TSC1: variants seen among roughly 807,000 people sequenced by gnomAD.
TSC1 encodes the protein TSC complex subunit 1, also known as hamartin.
Under a neutral mutation model 124.3 loss-of-function variants are expected in TSC1, and 20 were observed. The ratio of observed to expected loss-of-function variants is 0.16; its 90% confidence interval spans 0.11 to 0.23. The LOEUF (loss-of-function observed/expected upper bound fraction) is 0.23. Among genes scored for constraint, TSC1 ranks in the 10% least tolerant of loss-of-function variants. The pLI, the probability that TSC1 is intolerant of heterozygous loss-of-function variation, is 1.00. For missense variants in TSC1, 1,124 were observed against 1,448.5 expected, an observed-to-expected ratio of 0.78 and a Z score of 3.64; for synonymous variants, 493 against 539.1, an observed-to-expected ratio of 0.91 and a Z score of 1.19.
chr9:132,944,967 G>T (rs577674970), upstream of TSC1: 2 of 196,504 alleles, frequency 1.0e-5, no homozygotes, highest in Non-Finnish European at 2.1e-5. Flanking sequence ...CTGGCGGGCG[G>T]GGGGACGCGG....
At position 132,906,141 on chromosome 9, in the gene TSC1, TGAGAGGAA is replaced by T. The variant is rs753878222; in HGVS notation, c.1439-10_1439-3del. The T allele has an allele frequency of 1.2e-6, 2 of 1,611,886 alleles. No homozygotes were observed. Among genetic ancestry groups the T allele is most frequent in the African/African-American group, 2.7e-5 (2 of 74,848 alleles). On this transcript the variant is annotated splice_region_variant and splice_polypyrimidine_tract_variant and intron_variant, in intron 14 of 22. Transcript: ENST00000298552. The surrounding 1 kb of genome is among the most constrained non-coding windows in gnomAD (Gnocchi z 4.1). ...CAGAAAGTTCTCTAGATATTGCAGC[TGAGAGGAA>T]GAGAGGAAACAAAAGAAATGGCAGT...
In TSC1 at chr9:132,903,612, CA is replaced by C; in HGVS notation, c.2208+38del. The stretch of plus-strand genomic sequence containing the variant: ...GCTATCATGCTGACCCAAAACAAAA[CA>C]AAAAGCAAGCTCCACCTGTCCCCTC... On this transcript the variant is annotated intron_variant, in intron 17 of 22. Transcript: ENST00000298552. This position sits in a 1 kb window ranked among gnomAD's most constrained non-coding sequence, Gnocchi z 5.9. 1 of 1,611,694 alleles carries C rather than the reference CA, an allele frequency of 6.2e-7. No homozygotes were observed.
intron 1 of TSC1, among the ~76,000 whole-genome samples, chr9:132,939,960 T>TCTA (rs1847653507): frequency 6.6e-6 from 1 of 152,178 alleles, no homozygotes; most frequent in Admixed American, 6.5e-5. Context: ...GAACCACTGG[T>TCTA]CTAGGAAAAA....
At chr9:132,905,088 C>A (rs1377333335) in intron 15 of TSC1, among the ~76,000 whole-genome samples, 1 of 152,068 alleles carries the variant, frequency 6.6e-6, no homozygotes, top group Non-Finnish European at 1.5e-5. Context: ...AACTTGGGTG[C>A]CTCAGGGGGT....
rs1325064558 is a variant in TSC1 at position 132,906,805 on chromosome 9, G to A, written c.1364C>T (p.Thr455Ile). The A allele has an allele frequency of 6.2e-7, 1 of 1,614,140 alleles. No homozygotes were observed. Among genetic ancestry groups the A allele is most frequent in the Non-Finnish European group, 8.5e-7 (1 of 1,180,030 alleles). ...EEPPGSKGSV[T>I]LSDLPGFLGD... ...TAAAAACCCTGGAAGATCACTTAGAGTGACAGAACCTTTGCTGCCAGGTGG... is the reference window on the plus strand; with the variant it reads ...TAAAAACCCTGGAAGATCACTTAGAATGACAGAACCTTTGCTGCCAGGTGG... Residue 455 changes from threonine (T) to isoleucine (I), a missense_variant, in exon 14 of 23, where the codon ACT becomes ATT. Physicochemically the swap from Thr to Ile is moderately conservative, Grantham distance 89. Around this residue, in one of 5 missense-constraint regions of TSC1, gnomAD observed 463 missense variants for 606.8 expected, o/e 0.76. Coordinates refer to ENST00000298552, the MANE Select transcript of TSC1 (RefSeq NM_000368.5). This position sits in a 1 kb window ranked among gnomAD's most constrained non-coding sequence, Gnocchi z 4.1.
At chr9:132,897,065 G>T in intron 22 of TSC1, 119 bp downstream of exon 22, 1 of 1,503,228 alleles carries the variant, frequency 6.7e-7, no homozygotes. Context: ...GACACGGAGT[G>T]AGCTGAGTGT....
intron 2 of TSC1, among the ~76,000 whole-genome samples, chr9:132,930,090 A>G (rs977758075): frequency 2.0e-5 from 3 of 152,182 alleles, no homozygotes; most frequent in African/African-American, 7.2e-5. Context: ...TGTAAGTAGC[A>G]GTTCTTAAGC....
chr9:132,893,274 T>C lies in TSC1; in HGVS notation c.*2961A>G, dbSNP rs1844863899. 4.3e-6 allele frequency: 1 copy of C among 233,166 alleles called. No individual in the cohort carries two copies. The highest frequency in any genetic ancestry group is 2.2e-5 in the African/African-American group (1 of 45,330). 14.4% of individuals were successfully genotyped at this position (233,166 alleles called of 1,614,324 possible). On this transcript the variant is annotated 3_prime_UTR_variant, in exon 23 of 23. Transcript: ENST00000298552. ...TTAGTAATGCTGGTCCTAAAACTCA[T>C]CTCCAAGGACATCTTTCACAACTTC... is the stretch of plus-strand genomic sequence containing the variant.
In TSC1 at chr9:132,923,120, C is replaced by A. The variant is rs143312866; in HGVS notation, c.508+228G>T. Reference sequence around the variant, plus strand: ...ACATCCTACCACTCAATTTCTCTGACGACTAATCCTTTTAAGCCAAGAAAA... The same window carrying A: ...ACATCCTACCACTCAATTTCTCTGAAGACTAATCCTTTTAAGCCAAGAAAA... On this transcript the variant is annotated intron_variant, in intron 6 of 22. Coordinates refer to ENST00000298552, the MANE Select transcript of TSC1 (RefSeq NM_000368.5). The surrounding 1 kb of genome is among the most constrained non-coding windows in gnomAD (Gnocchi z 4.2). 1.0e-2 allele frequency among the ~76,000 whole-genome samples: 1,520 copies of A among 152,268 alleles called. 22 individuals are homozygous for A. Among genetic ancestry groups the A allele is most frequent in the African/African-American group, 0.035 (1,454 of 41,518 alleles).
intron 2 of TSC1, among the ~76,000 whole-genome samples, chr9:132,934,206 G>A (rs951792174): frequency 6.6e-6 from 1 of 152,012 alleles, no homozygotes. Context: ...AGCACCTCCC[G>A]TCTTCCCTAC....
At chr9:132,937,028 C>G (rs182203363) in intron 1 of TSC1, among the ~76,000 whole-genome samples, 7 of 152,340 alleles carry the variant, frequency 4.6e-5, no homozygotes, top group African/African-American at 1.2e-4. Context: ...TTCAGTGGCA[C>G]CTGCAAGCCT....
chr9:132,937,141 G>T (rs1166499676), intron 1 of TSC1, among the ~76,000 whole-genome samples: 1 of 152,220 alleles, frequency 6.6e-6, no homozygotes, highest in Non-Finnish European at 1.5e-5. Flanking sequence ...CACAGGGCTT[G>T]AATTAAAGTG....
Position 132,892,588 on chromosome 9 carries a change from C to A in TSC1, c.*3647G>T. 4.3e-6 allele frequency: 1 copy of A among 233,430 alleles called. No homozygotes were observed. Among genetic ancestry groups the A allele is most frequent in the Non-Finnish European group, 8.5e-6 (1 of 118,140 alleles). The allele number at this position is 233,430 out of a possible 1,614,324, so 14.5% of individuals were successfully genotyped here. ...CACCAAGGTCCTGGCCGGGTCTTCGCTCTGCCCAAACCCTCCTCCAGCCTG... is the reference window on the plus strand; with the variant it reads ...CACCAAGGTCCTGGCCGGGTCTTCGATCTGCCCAAACCCTCCTCCAGCCTG... On this transcript the variant is annotated 3_prime_UTR_variant, in exon 23 of 23. Coordinates refer to ENST00000298552, the MANE Select transcript of TSC1 (RefSeq NM_000368.5).
intron 2 of TSC1, among the ~76,000 whole-genome samples, chr9:132,933,811 C>A (rs527607249): frequency 6.6e-6 from 1 of 152,228 alleles, no homozygotes; most frequent in Middle Eastern, 3.4e-3. Flanking sequence ...ACTTTTGTAT[C>A]CCAGAATTTA....
chr9:132,927,437 T>C, intron 3 of TSC1, 133 bp from the exon 4 acceptor site: 1 of 786,068 alleles, frequency 1.3e-6, no homozygotes. Context: ...AGCATTACAG[T>C]TCTGCCTTCT....
chr9:132,897,481 T>G lies in TSC1; in HGVS notation c.2755A>C (p.Lys919Gln), dbSNP rs1319954878. The G allele has an allele frequency of 2.5e-6, 4 of 1,614,196 alleles. No individual in the cohort carries two copies. The change falls in exon 21 of 23, where the codon AAA becomes CAA. Residue 919 changes from lysine (K) to glutamine (Q), a missense_variant. Transcript: ENST00000298552. The stretch of plus-strand genomic sequence containing the variant: ...TTCTGTTCCAAAAGAAGGTGGTCTT[T>G]CTTGGCCAGGTGAGATTCCAGTTCC... The part of the protein sequence containing the change: ...ILELESHLAK[K>Q]DHLLLEQKKY...
intron 12 of TSC1, among the ~76,000 whole-genome samples, chr9:132,908,479 G>T (rs891879317): frequency 2.0e-5 from 3 of 152,192 alleles, no homozygotes; most frequent in Non-Finnish European, 4.4e-5. Context: ...TTGAGACAGG[G>T]TCTGGCTCTG....
At chr9:132,930,816 A>G (rs1410840333) in intron 2 of TSC1, among the ~76,000 whole-genome samples, 1 of 152,200 alleles carries the variant, frequency 6.6e-6, no homozygotes, top group African/African-American at 2.4e-5. Context: ...ATACCATGAT[A>G]TAGGAAGTTG....
At chr9:132,922,091 C>T (rs1846600687) in intron 6 of TSC1, 118 bp from the exon 7 acceptor site, 4 of 1,211,502 alleles carry the variant, frequency 3.3e-6, no homozygotes, top group Non-Finnish European at 4.8e-6. Context: ...TCCCACCTCA[C>T]TCCAAAGACA....
Sources: allele counts gnomAD v4.1 joint callset (sites outside exome capture counted in the v4.1 genomes callset), GRCh38; gene constraint gnomAD v4.1.1; regional missense constraint gnomAD v4.1.1; non-coding constraint Gnocchi (gnomAD v3.1); transcripts MANE v1.5; gene names NCBI Gene and HGNC (gene_info 2026-07-23, HGNC 2026-07-21).